The following ANKS1B variants were observed in gnomAD, a reference collection of about 807,000 sequenced individuals.
The protein encoded by ANKS1B is ankyrin repeat and sterile alpha motif domain containing 1B.
A neutral mutation model predicts 148.3 loss-of-function variants in ANKS1B; 36 were observed. That is an observed-to-expected ratio of 0.24 (90% CI 0.19 to 0.32). The LOEUF is 0.32. Among genes scored for constraint, ANKS1B ranks in the 10% least tolerant of loss-of-function variants. ANKS1B has a pLI of 1.00. For missense variants in ANKS1B, 1,157 were observed against 1,542.6 expected (o/e 0.75, Z 4.19); for synonymous variants, 542 against 560.8 (o/e 0.97, Z 0.47).
chr12:99,246,490 C>T lies in ANKS1B; in HGVS notation c.2131G>A (p.Glu711Lys), dbSNP rs201939819. The T allele has an allele frequency of 3.6e-4, 578 of 1,613,714 alleles. 2 individuals are homozygous for T. The highest frequency in any genetic ancestry group is 4.6e-4 in the Non-Finnish European group (548 of 1,179,840). ...ATTCTCCCCAGAGTACAGGCTCTCT[C>T]CACAAATCCCCCTGCGTTCATAACC... is the stretch of plus-strand genomic sequence containing the variant. The part of the protein sequence containing the change: ...QWVMNAGGFV[E>K]RACTLGRIRS... Residue 711 changes from glutamate (E) to lysine (K), a missense_variant, in exon 13 of 27, where the codon GAG (glutamate) becomes AAG (lysine). Physicochemically the swap from Glu to Lys is moderately conservative, Grantham distance 56. Around this residue, in one of 6 missense-constraint regions of ANKS1B, gnomAD observed 661 missense variants for 642.1 expected, o/e 1.03. Coordinates refer to ENST00000683438, the MANE Select transcript of ANKS1B (RefSeq NM_001352186.2).
At chr12:99,443,211 A>G (rs1020604155) in intron 11 of ANKS1B, among the ~76,000 whole-genome samples, 1 of 152,022 alleles carries the variant, frequency 6.6e-6, no homozygotes, top group Non-Finnish European at 1.5e-5. Flanking sequence ...AGCAATATTA[A>G]ACGCAGACAA....
At chr12:99,032,056 A>C (rs2099952562) in intron 17 of ANKS1B, among the ~76,000 whole-genome samples, 1 of 152,194 alleles carries the variant, frequency 6.6e-6, no homozygotes, top group African/African-American at 2.4e-5. Flanking sequence ...TGATTTCCTA[A>C]AGCCTTAATT....
At chr12:99,711,139 C>A (rs1021215608) in intron 8 of ANKS1B, among the ~76,000 whole-genome samples, 6 of 152,058 alleles carry the variant, frequency 3.9e-5, no homozygotes, top group African/African-American at 1.4e-4. Flanking sequence ...AAACTAACAT[C>A]ATTAGAATAA....
At chr12:99,313,224 T>C (rs1168480582) in intron 12 of ANKS1B, among the ~76,000 whole-genome samples, 2 of 151,808 alleles carry the variant, frequency 1.3e-5, no homozygotes, top group Non-Finnish European at 2.9e-5. Context: ...ACCAGGATGA[T>C]ATCGTATCCC....
At chr12:99,373,727 C>A (rs914819904) in intron 12 of ANKS1B, among the ~76,000 whole-genome samples, 1 of 151,910 alleles carries the variant, frequency 6.6e-6, no homozygotes, top group Non-Finnish European at 1.5e-5. Context: ...TAGTTGCATG[C>A]AATCTTACAA....
intron 17 of ANKS1B, among the ~76,000 whole-genome samples, chr12:98,997,680 C>T (rs1408204604): frequency 2.0e-5 from 3 of 152,224 alleles, no homozygotes; most frequent in South Asian, 2.1e-4. Flanking sequence ...CATGAGCCAC[C>T]GCGCCTGGCC....
intron 16 of ANKS1B, among the ~76,000 whole-genome samples, chr12:99,057,045 C>G (rs1219727662): frequency 1.3e-5 from 2 of 152,172 alleles, no homozygotes; most frequent in Non-Finnish European, 2.9e-5. Context: ...TTTCTGTTTA[C>G]TATCATATCT....
chr12:99,735,843 T>C (rs1600990440), intron 8 of ANKS1B, among the ~76,000 whole-genome samples: 2 of 127,918 alleles, frequency 1.6e-5, no homozygotes, highest in Middle Eastern at 9.8e-3. Flanking sequence ...CTGAAGGACA[T>C]AGACACAAGA....
At chr12:99,198,966 TACCA>T (rs2081725254) in intron 14 of ANKS1B, among the ~76,000 whole-genome samples, 1 of 152,310 alleles carries the variant, frequency 6.6e-6, no homozygotes, top group East Asian at 1.9e-4. Context: ...GGATGATAGA[TACCA>T]TGTTGTGAGG....
intron 12 of ANKS1B, among the ~76,000 whole-genome samples, chr12:99,307,147 T>A (rs960485155): frequency 6.6e-6 from 1 of 152,140 alleles, no homozygotes; most frequent in Admixed American, 6.6e-5. Context: ...CAGAATGAAT[T>A]TAGAATCATT....
chr12:99,051,877 A>T (rs926903264), intron 17 of ANKS1B, among the ~76,000 whole-genome samples: 1 of 152,260 alleles, frequency 6.6e-6, no homozygotes, highest in African/African-American at 2.4e-5. Flanking sequence ...TACTAATAAT[A>T]ACCATCATTT....
At position 98,782,147 on chromosome 12, in the gene ANKS1B, T is replaced by C. The variant is rs767617441; in HGVS notation, c.3343-10A>G. ...CTACCTGACAGTTAGCCTGGTGGATTTTCCAGTTAAGACAGATGGGAACAT... is the reference window on the plus strand; with the variant it reads ...CTACCTGACAGTTAGCCTGGTGGATCTTCCAGTTAAGACAGATGGGAACAT... On this transcript the variant is annotated splice_polypyrimidine_tract_variant and intron_variant, in intron 22 of 26. Coordinates refer to ENST00000683438, the MANE Select transcript of ANKS1B (RefSeq NM_001352186.2). 6.3e-7 allele frequency: 1 copy of C among 1,598,656 alleles called. No homozygotes were observed.
intron 9 of ANKS1B, among the ~76,000 whole-genome samples, chr12:99,510,556 C>T (rs555065196): frequency 1.6e-4 from 25 of 152,062 alleles, no homozygotes; most frequent in African/African-American, 5.3e-4. Context: ...GCTGTAATCC[C>T]ATGATAAAAC....
At chr12:99,894,942 G>A (rs1024538760) in intron 1 of ANKS1B, among the ~76,000 whole-genome samples, 2 of 150,658 alleles carry the variant, frequency 1.3e-5, no homozygotes, top group African/African-American at 2.4e-5. Context: ...TGTACTGAAT[G>A]CATTTTTGAA....
chr12:98,869,136 A>G (rs114740830), intron 17 of ANKS1B, among the ~76,000 whole-genome samples: 3,027 of 152,294 alleles, frequency 0.02, 106 homozygotes, highest in African/African-American at 0.068. Flanking sequence ...GTCTTGAGAC[A>G]TGTCACCAAA....
intron 8 of ANKS1B, among the ~76,000 whole-genome samples, chr12:99,761,681 C>T (rs7135670): frequency 0.17 from 26,418 of 151,836 alleles, 2,821 homozygotes; most frequent in East Asian, 0.49. Context: ...TAACATAGTA[C>T]TGAAAGTCCT....
chr12:98,992,860 C>CCA (rs1177936862), intron 17 of ANKS1B, among the ~76,000 whole-genome samples: 1 of 152,148 alleles, frequency 6.6e-6, no homozygotes, highest in Non-Finnish European at 1.5e-5. Context: ...AATGAAAGCT[C>CCA]CACGAGCAAG....
intron 12 of ANKS1B, among the ~76,000 whole-genome samples, chr12:99,256,989 A>G (rs2075333473): frequency 6.6e-6 from 1 of 152,152 alleles, no homozygotes. Context: ...CTCATGCCGT[A>G]ATCCCAGCAC....
chr12:99,649,715 C>A, intron 9 of ANKS1B: 1 of 255,324 alleles, frequency 3.9e-6, no homozygotes, highest in South Asian at 5.8e-5. Context: ...TCAAGCATAT[C>A]AGTAAGTGCT....
Sources: gnomAD v4.1 joint callset for allele counts (sites outside exome capture counted in the v4.1 genomes callset) on GRCh38, gnomAD v4.1.1 for gene constraint, gnomAD v4.1.1 regional missense constraint, MANE v1.5 for transcripts, NCBI Gene and HGNC (gene_info 2026-07-23, HGNC 2026-07-21) for gene names.